MGAM: variants seen among roughly 807,000 people sequenced by gnomAD.
MGAM encodes alpha-1,4-glucosidase.
Under a neutral mutation model 358.8 loss-of-function variants are expected in MGAM, and 253 were observed. The ratio of observed to expected loss-of-function variants is 0.71; its 90% CI spans 0.64 to 0.78. The LOEUF (loss-of-function observed/expected upper bound fraction) is 0.78, where lower values mean the gene tolerates loss of function less well. Among genes scored for constraint, MGAM ranks in the 30% least tolerant of loss-of-function variants. MGAM has a pLI of 0.00. For synonymous variants in MGAM, 1,105 were observed against 1,227.1 expected (o/e 0.90, Z 2.08); for missense variants, 3,080 against 3,432.6 (o/e 0.90, Z 2.57).
At chr7:142,078,492 A>T (rs573616484) in intron 48 of MGAM, 22 bp downstream of exon 48, 2 of 1,525,112 alleles carry the variant, frequency 1.3e-6, no homozygotes, top group African/African-American at 1.3e-5. Context: ...GATGGGGTTC[A>T]TGTGCATGAA....
At chr7:141,993,558 C>G (rs113276430), upstream of MGAM, among the ~76,000 whole-genome samples, 3,538 of 152,274 alleles carry the variant, frequency 0.023, 53 homozygotes, top group Middle Eastern at 0.044. Context: ...AACTCTGCCC[C>G]ACTTGGAGGA....
chr7:141,989,090 G>T (rs1315144388), intron 2 of MGAM, among the ~76,000 whole-genome samples: 1 of 141,260 alleles, frequency 7.1e-6, no homozygotes, highest in Non-Finnish European at 1.5e-5. Context: ...TTGTGAGTGT[G>T]TGTGTGTGTG....
intron 22 of MGAM, among the ~76,000 whole-genome samples, chr7:142,049,470 G>C (rs1810724354): frequency 6.6e-6 from 1 of 152,046 alleles, no homozygotes; most frequent in Admixed American, 6.6e-5. Context: ...CAAACTAAAA[G>C]GCTTCTGCAC....
At chr7:142,016,314 G>C (rs1210093804) in intron 3 of MGAM, among the ~76,000 whole-genome samples, 1 of 152,128 alleles carries the variant, frequency 6.6e-6, no homozygotes, top group African/African-American at 2.4e-5. Context: ...AGCCTGTATA[G>C]CTATTATATA....
chr7:141,993,345 C>T (rs1554447735), upstream of MGAM, among the ~76,000 whole-genome samples: 2 of 152,124 alleles, frequency 1.3e-5, no homozygotes, highest in Non-Finnish European at 2.9e-5. Flanking sequence ...AAAATTAAAA[C>T]TAAATTACTT....
intron 1 of MGAM, among the ~76,000 whole-genome samples, chr7:141,996,567 T>C (rs1034358164): frequency 6.6e-6 from 1 of 152,182 alleles, no homozygotes; most frequent in African/African-American, 2.4e-5. Context: ...TTTCAGATTC[T>C]GGAAATGAAG....
rs1468778284 is a variant in MGAM, at chr7:142,045,830, T to C, written c.2499-1955T>C. Among the ~76,000 whole-genome samples the C allele has an allele frequency of 2.5e-5, 3 of 118,556 alleles. 1 individual carries two copies. The highest frequency in any genetic ancestry group is 1.0e-4 in the African/African-American group (3 of 28,734). 77.8% of individuals were successfully genotyped at this position (118,556 alleles called of 152,430 possible). On this transcript the variant is annotated intron_variant, in intron 21 of 70. Transcript: ENST00000475668. The stretch of plus-strand genomic sequence containing the variant: ...CAATGTATGAATATATGATATATAT[T>C]ATATATACATACAATATGTAATATA...
At chr7:142,048,113 CTTTT>C (rs1276553090) in intron 22 of MGAM, among the ~76,000 whole-genome samples, 8 of 147,584 alleles carry the variant, frequency 5.4e-5, no homozygotes, top group African/African-American at 1.8e-4. Context: ...CTATAATAGG[CTTTT>C]TATTTATTTA....
chr7:142,015,903 T>G (rs1554455926), intron 3 of MGAM, among the ~76,000 whole-genome samples: 2 of 152,146 alleles, frequency 1.3e-5, no homozygotes, highest in African/African-American at 2.4e-5. Flanking sequence ...ATGGTATACT[T>G]TTTAAAATGA....
chr7:141,990,664 T>G (rs945331045), intron 2 of MGAM, among the ~76,000 whole-genome samples: 2 of 152,084 alleles, frequency 1.3e-5, no homozygotes, highest in African/African-American at 4.8e-5. Context: ...TTCTTTTTTT[T>G]TATGTTTTTT....
At chr7:142,091,863 C>T in intron 57 of MGAM, 50 bp from the exon 58 acceptor site, 1 of 1,378,138 alleles carries the variant, frequency 7.3e-7, no homozygotes, top group Non-Finnish European at 9.9e-7. Context: ...TGCCTGTTTG[C>T]TGTCTTCTAT....
Position 142,097,591 on chromosome 7 carries a change from A to G in MGAM, c.7693-2A>G. On this transcript the variant is annotated splice_acceptor_variant, in intron 65 of 70. Transcript: ENST00000475668. LOFTEE classifies it high-confidence loss of function. ...CCACACCTTGTTTATGTTTCATTTT[A>G]GAATGCCAGAAATGTCACTGCATAT... is the stretch of plus-strand genomic sequence containing the variant. 1.2e-6 allele frequency: 2 copies of G among 1,612,466 alleles called. No homozygotes were observed. The highest frequency in any genetic ancestry group is 1.7e-6 in the Non-Finnish European group (2 of 1,178,520).
At chr7:142,017,778 C>T (rs763474111) in intron 3 of MGAM, among the ~76,000 whole-genome samples, 2 of 152,046 alleles carry the variant, frequency 1.3e-5, no homozygotes, top group Non-Finnish European at 2.9e-5. Context: ...TAAAAAATAG[C>T]ATTTAATTAA....
Position 142,078,965 on chromosome 7 carries a change from G to T in MGAM, c.5804G>T (p.Arg1935Leu), listed in dbSNP as rs577677464. The change falls in exon 49 of 71, where the codon CGC becomes CTC. Residue 1935 changes from arginine to leucine, a missense_variant. Transcript: ENST00000475668. ...AFPSTPVNPLRLDVTYHKNEM... is the reference protein window; with the variant it reads ...AFPSTPVNPLLLDVTYHKNEM... ...CCTTCCACACCCGTGAACCCCCTTC[G>T]CCTGGATGTCACTTACCATAAGAAT... 4 of 1,555,376 alleles carry T rather than the reference G, an allele frequency of 2.6e-6. No homozygotes were observed. Among genetic ancestry groups the T allele is most frequent in the African/African-American group, 1.3e-5 (1 of 74,422 alleles).
chr7:142,031,014 T>A (rs1271709754), intron 12 of MGAM, among the ~76,000 whole-genome samples: 1 of 152,036 alleles, frequency 6.6e-6, no homozygotes, highest in African/African-American at 2.4e-5. Context: ...CTTTCTCACC[T>A]CCCACACACT....
chr7:142,097,500 CA>C, intron 65 of MGAM, 92 bp from the exon 66 acceptor site: 1 of 1,264,580 alleles, frequency 7.9e-7, no homozygotes, highest in Non-Finnish European at 1.2e-6. Flanking sequence ...GGCCCAAGGC[CA>C]TCACAATTAT....
intron 21 of MGAM, among the ~76,000 whole-genome samples, chr7:142,045,371 A>G (rs1810069179): frequency 3.1e-5 from 3 of 96,296 alleles, no homozygotes. Context: ...TATATAATAT[A>G]TATTATATAT....
At position 142,091,931 on chromosome 7, in the gene MGAM, G is replaced by A; in HGVS notation, c.6829G>A (p.Ala2277Thr). ...SQVELYRAYVAFPDFFRNSTA... is the reference protein window; with the variant it reads ...SQVELYRAYVTFPDFFRNSTA... ...TTTATAGCTATATCGAGCTTATGTG[G>A]CCTTCCCAGACTTTTTCCGTAATTC... The change falls in exon 58 of 71, where the codon GCC becomes ACC. Residue 2277 changes from alanine (A) to threonine (T), a missense_variant. Around this residue, in one of 5 missense-constraint regions of MGAM, gnomAD observed 932 missense variants for 1,198.2 expected, o/e 0.78. Coordinates refer to ENST00000475668, the MANE Select transcript of MGAM (RefSeq NM_001365693.1). 6.6e-7 allele frequency: 1 copy of A among 1,514,206 alleles called. No individual in the cohort carries two copies. The highest frequency in any genetic ancestry group is 9.1e-7 in the Non-Finnish European group (1 of 1,104,924). The allele number at this position is 1,514,206 out of a possible 1,614,324, so 93.8% of individuals were successfully genotyped here. A position where few individuals can be genotyped will look rare whatever the true frequency, so the allele number is the denominator to read the frequency against.
upstream of MGAM, among the ~76,000 whole-genome samples, chr7:141,995,128 G>A (rs1489717265): frequency 2.0e-5 from 3 of 151,908 alleles, no homozygotes; most frequent in East Asian, 1.9e-4. Flanking sequence ...TTATGAATGC[G>A]CCTTTAAGCT....
Sources: allele counts gnomAD v4.1 joint callset (sites outside exome capture counted in the v4.1 genomes callset), GRCh38; gene constraint gnomAD v4.1.1; regional missense constraint gnomAD v4.1.1; transcripts MANE v1.5; gene names NCBI Gene and HGNC (gene_info 2026-07-23, HGNC 2026-07-21).